Variants in KLHL4 observed in about 807,000 individuals in gnomAD.
KLHL4 encodes the protein kelch like family member 4.
In KLHL4, 17 loss-of-function variants were observed where a neutral mutation model predicts 45.8. The ratio of observed to expected loss-of-function variants is 0.37; its 90% CI spans 0.25 to 0.56. The LOEUF (loss-of-function observed/expected upper bound fraction) is 0.56, where lower values mean the gene tolerates loss of function less well. Ranked by LOEUF, KLHL4 falls within the 20% of genes least tolerant of loss-of-function variation. The pLI, the probability that KLHL4 is intolerant of heterozygous loss-of-function variation, is 0.79. For synonymous variants in KLHL4, 224 were observed against 189.9 expected (o/e 1.18, Z -1.47); for missense variants, 544 against 544.9 (o/e 1.00, Z 0.02).
intron 1 of KLHL4, among the ~76,000 whole-genome samples, chrX:87,531,468 G>A (rs920426336): frequency 1.8e-5 from 2 of 110,442 alleles, no homozygotes; most frequent in African/African-American, 6.6e-5. Context: ...CATAGTGTTG[G>A]AAGTTCTGGC....
chrX:87,517,854 C>A lies in KLHL4; in HGVS notation c.-40C>A. The A allele has an allele frequency of 8.6e-7, 1 of 1,156,941 alleles. No homozygotes were observed. Among genetic ancestry groups the A allele is most frequent in the Non-Finnish European group, 1.2e-6 (1 of 866,688 alleles). Reference sequence around the variant, plus strand: ...CAAGAGATAACAAAGGCTCCGTTTCCTTTCTGTGAGAGAAGGCTTTTGTCT... The same window carrying A: ...CAAGAGATAACAAAGGCTCCGTTTCATTTCTGTGAGAGAAGGCTTTTGTCT... On this transcript the variant is annotated 5_prime_UTR_variant, in exon 1 of 11. Transcript: ENST00000373119.
At chrX:87,580,019 A>T (rs1448585561) in intron 1 of KLHL4, among the ~76,000 whole-genome samples, 1 of 112,295 alleles carries the variant, frequency 8.9e-6, no homozygotes, top group East Asian at 2.8e-4. Flanking sequence ...AACAATAAAT[A>T]CAAAAATGTG....
In KLHL4 at chrX:87,635,793, C is replaced by T; in HGVS notation, c.1925+18C>T. 2.8e-6 allele frequency: 3 copies of T among 1,063,490 alleles called. No individual in the cohort carries two copies. Among genetic ancestry groups the T allele is most frequent in the Admixed American group, 2.9e-5 (1 of 34,226 alleles). 87.6% of individuals were successfully genotyped at this position (1,063,490 alleles called of 1,213,427 possible). A position where few individuals can be genotyped will look rare whatever the true frequency, so the allele number is the denominator to read the frequency against. ...GTGGAACGGTAAGTTTTTTCTATTT[C>T]CTTCTGTATGTAATTATTTGGTTAT... On this transcript the variant is annotated intron_variant, in intron 9 of 10. Coordinates refer to ENST00000373119, the MANE Select transcript of KLHL4 (RefSeq NM_019117.5).
intron 9 of KLHL4, among the ~76,000 whole-genome samples, chrX:87,644,255 C>T (rs1923557171): frequency 9.0e-6 from 1 of 111,607 alleles, no homozygotes; most frequent in Non-Finnish European, 1.9e-5. Flanking sequence ...TATACACCAA[C>T]AGCAACTAAG....
chrX:87,551,501 C>T (rs1353594518), intron 1 of KLHL4, among the ~76,000 whole-genome samples: 3 of 110,520 alleles, frequency 2.7e-5, no homozygotes, highest in South Asian at 3.8e-4. Context: ...GAAAACAATT[C>T]GAAAGTTCAT....
intron 1 of KLHL4, among the ~76,000 whole-genome samples, chrX:87,577,196 T>C (rs777780870): frequency 2.1e-4 from 24 of 111,946 alleles, no homozygotes; most frequent in African/African-American, 7.4e-4. Context: ...ACATTAAATA[T>C]ATTTAACCCT....
intron 9 of KLHL4, among the ~76,000 whole-genome samples, chrX:87,647,957 T>C (rs1923691392): frequency 9.0e-6 from 1 of 111,614 alleles, no homozygotes; most frequent in Non-Finnish European, 1.9e-5. Context: ...TCACAAAATA[T>C]ACAGAAAGAA....
chrX:87,518,155 G>A lies in KLHL4; in HGVS notation c.262G>A (p.Val88Ile), dbSNP rs763193083. The stretch of plus-strand genomic sequence containing the variant: ...ACCGGCCCCTGCCCATCAGAGAGCC[G>A]TTCAGAATTTGCAGCAACATAATCT... ...PGPAPAHQRA[V>I]QNLQQHNLIV... The change falls in exon 1 of 11, where the codon GTT becomes ATT. Residue 88 changes from valine to isoleucine, a missense_variant. By Grantham distance (29) the Val-to-Ile change is conservative. Coordinates refer to ENST00000373119, the MANE Select transcript of KLHL4 (RefSeq NM_019117.5). 15 of 1,210,333 alleles carry A rather than the reference G, an allele frequency of 1.2e-5. No homozygotes were observed. The highest frequency in any genetic ancestry group is 1.7e-5 in the Non-Finnish European group (15 of 895,359).
chrX:87,565,763 T>G (rs1932197589), intron 1 of KLHL4, among the ~76,000 whole-genome samples: 1 of 82,524 alleles, frequency 1.2e-5, no homozygotes, highest in African/African-American at 4.8e-5. Flanking sequence ...ACAAAAATAA[T>G]TATAAGAGTT....
intron 9 of KLHL4, among the ~76,000 whole-genome samples, chrX:87,661,147 G>A (rs988933410): frequency 1.3e-4 from 15 of 111,482 alleles, no homozygotes; most frequent in Non-Finnish European, 2.4e-4. Context: ...TCTTATAATG[G>A]CAATTTTCTT....
rs919365827 is a variant in KLHL4, at chrX:87,613,893, T to C, written c.439T>C (p.Ser147Pro). 16 of 1,197,334 alleles carry C rather than the reference T, an allele frequency of 1.3e-5. No homozygotes were observed. The highest frequency in any genetic ancestry group is 1.6e-5 in the Non-Finnish European group (14 of 887,734). The part of the protein sequence containing the change: ...DSTARLDTQH[S>P]EDMNATRSEE... ...CCTTTTCAGATTAGATACACAACACTCTGAAGACATGAATGCCACCAGATC... is the reference window on the plus strand; with the variant it reads ...CCTTTTCAGATTAGATACACAACACCCTGAAGACATGAATGCCACCAGATC... The change falls in exon 2 of 11, where the codon TCT becomes CCT. Residue 147 changes from serine to proline, a missense_variant. Ser to Pro is a moderately conservative substitution (Grantham distance 74). Transcript: ENST00000373119.
intron 4 of KLHL4, among the ~76,000 whole-genome samples, 165 bp from the exon 5 acceptor site, chrX:87,622,046 C>G (rs933425834): frequency 3.6e-5 from 4 of 111,932 alleles, no homozygotes; most frequent in Non-Finnish European, 3.8e-5. Flanking sequence ...AGAAGGCTCC[C>G]TGTTACCCAT....
At chrX:87,589,016 AC>A (rs1205015317) in intron 1 of KLHL4, among the ~76,000 whole-genome samples, 3 of 112,274 alleles carry the variant, frequency 2.7e-5, no homozygotes, top group African/African-American at 9.7e-5. Flanking sequence ...TTTGAAAAAA[AC>A]ATTTGTTAAA....
At chrX:87,636,207 G>T (rs1379222841) in intron 9 of KLHL4, among the ~76,000 whole-genome samples, 1 of 111,764 alleles carries the variant, frequency 8.9e-6, no homozygotes, top group Non-Finnish European at 1.9e-5. Flanking sequence ...TATGTAAAAA[G>T]AATATGTCAT....
intron 1 of KLHL4, among the ~76,000 whole-genome samples, chrX:87,533,255 G>A (rs1250469807): frequency 1.7e-4 from 18 of 105,231 alleles, no homozygotes; most frequent in Admixed American, 3.2e-4. Flanking sequence ...ACATGCACAC[G>A]TATGTTTATT....
At chrX:87,575,804 A>G (rs1308906161) in intron 1 of KLHL4, among the ~76,000 whole-genome samples, 1 of 111,485 alleles carries the variant, frequency 9.0e-6, no homozygotes, top group Non-Finnish European at 1.9e-5. Context: ...ACTGGGGAGA[A>G]CTATATATTT....
intron 4 of KLHL4, among the ~76,000 whole-genome samples, chrX:87,618,387 C>T (rs762726961): frequency 9.0e-6 from 1 of 111,484 alleles, no homozygotes; most frequent in Non-Finnish European, 1.9e-5. Flanking sequence ...CAAATAGAAT[C>T]TATAGTATTA....
At chrX:87,542,186 G>T (rs1464807174) in intron 1 of KLHL4, among the ~76,000 whole-genome samples, 1 of 112,326 alleles carries the variant, frequency 8.9e-6, no homozygotes, top group Admixed American at 9.4e-5. Flanking sequence ...TGGAACTTAT[G>T]TTTAAAAGGG....
intron 6 of KLHL4, 74 bp downstream of exon 6, chrX:87,625,870 T>A: frequency 1.2e-6 from 1 of 839,894 alleles, no homozygotes; most frequent in Non-Finnish European, 1.7e-6. Context: ...AGGGTGATAT[T>A]AAAGCCATGT....
Sources: gnomAD v4.1 joint callset for allele counts (sites outside exome capture counted in the v4.1 genomes callset) on GRCh38, gnomAD v4.1.1 for gene constraint, MANE v1.5 for transcripts, NCBI Gene and HGNC (gene_info 2026-07-23, HGNC 2026-07-21) for gene names.